The following DLG2 variants were observed in gnomAD, a reference collection of about 807,000 sequenced individuals.
DLG2 encodes the protein discs large MAGUK scaffold protein 2, also known as disks large homolog 2.
DLG2 carries 45 observed loss-of-function variants against 132.5 expected under a neutral mutation model. The observed-to-expected ratio is 0.34, with a 90% confidence interval of 0.27 to 0.44. The LOEUF is 0.44. Ranked by LOEUF, DLG2 falls within the 20% of genes least tolerant of loss-of-function variation. The pLI, the probability that DLG2 is intolerant of heterozygous loss-of-function variation, is 1.00. For synonymous variants in DLG2, 424 were observed against 419.6 expected, an observed-to-expected ratio of 1.01 and a Z score of -0.13; for missense variants, 1,045 against 1,196.9, an observed-to-expected ratio of 0.87 and a Z score of 1.87.
intron 3 of DLG2, among the ~76,000 whole-genome samples, chr11:85,465,220 G>A (rs1407363439): frequency 6.8e-6 from 1 of 147,534 alleles, no homozygotes; most frequent in East Asian, 2.0e-4. Flanking sequence ...ATAGCTCACT[G>A]GAAACTCAAA....
chr11:84,680,113 C>G (rs2099724931), intron 6 of DLG2, among the ~76,000 whole-genome samples: 1 of 151,986 alleles, frequency 6.6e-6, no homozygotes. Context: ...TTTCAGTGTC[C>G]CTTAGTCTCT....
intron 10 of DLG2, among the ~76,000 whole-genome samples, chr11:84,086,505 T>C (rs1489702058): frequency 1.3e-5 from 2 of 150,848 alleles, no homozygotes; most frequent in African/African-American, 4.9e-5. Flanking sequence ...TTTTTTTTTT[T>C]TTGAGACAAG....
chr11:84,378,172 A>C (rs1464289551), intron 7 of DLG2, among the ~76,000 whole-genome samples: 1 of 152,190 alleles, frequency 6.6e-6, no homozygotes, highest in Non-Finnish European at 1.5e-5. Context: ...ATGAGGTCAT[A>C]AGGGTAGGGC....
intron 6 of DLG2, among the ~76,000 whole-genome samples, chr11:84,703,402 A>G (rs1055665234): frequency 5.3e-5 from 8 of 151,544 alleles, no homozygotes; most frequent in African/African-American, 1.7e-4. Context: ...ACAAAGCCAT[A>G]GGATAATGAA....
intron 14 of DLG2, among the ~76,000 whole-genome samples, chr11:83,957,571 TA>T (rs35511012): frequency 1.3e-3 from 177 of 131,858 alleles, no homozygotes; most frequent in Non-Finnish European, 1.9e-3. Flanking sequence ...TTTTTTTTTT[TA>T]AAAACATAAA....
At chr11:83,627,482 C>T (rs111574273) in intron 19 of DLG2, among the ~76,000 whole-genome samples, 2,867 of 152,060 alleles carry the variant, frequency 0.019, 76 homozygotes, top group African/African-American at 0.065. Context: ...TCTGTCCTTG[C>T]GACAGTTTGC....
At chr11:85,507,034 C>G (rs904520488) in intron 3 of DLG2, among the ~76,000 whole-genome samples, 1 of 151,982 alleles carries the variant, frequency 6.6e-6, no homozygotes, top group African/African-American at 2.4e-5. Context: ...GGATTGTAAC[C>G]CCTGCATTTT....
At chr11:85,253,167 A>G (rs907559121) in intron 4 of DLG2, among the ~76,000 whole-genome samples, 3 of 152,200 alleles carry the variant, frequency 2.0e-5, no homozygotes, top group Admixed American at 6.5e-5. Flanking sequence ...TTTCTACACA[A>G]GGATCTGAGA....
chr11:84,611,808 A>G (rs1356327230), intron 6 of DLG2, among the ~76,000 whole-genome samples: 1 of 152,206 alleles, frequency 6.6e-6, no homozygotes, highest in Non-Finnish European at 1.5e-5. Flanking sequence ...AAAGATGTTC[A>G]CTGCAATGTT....
At chr11:84,001,494 CAAT>C (rs1732933897) in intron 11 of DLG2, among the ~76,000 whole-genome samples, 1 of 152,020 alleles carries the variant, frequency 6.6e-6, no homozygotes, top group Admixed American at 6.6e-5. Flanking sequence ...GATTCTAATA[CAAT>C]AATAGTGGGG....
chr11:83,847,686 C>T (rs1224859935), intron 16 of DLG2, among the ~76,000 whole-genome samples: 1 of 152,168 alleles, frequency 6.6e-6, no homozygotes, highest in African/African-American at 2.4e-5. Context: ...TCGCCACGAT[C>T]CCTTCCAGTT....
intron 6 of DLG2, among the ~76,000 whole-genome samples, chr11:84,607,150 G>A (rs1461962412): frequency 6.6e-6 from 1 of 152,098 alleles, no homozygotes; most frequent in Admixed American, 6.6e-5. Context: ...CAATGAGATA[G>A]TGAGTCACTG....
intron 7 of DLG2, among the ~76,000 whole-genome samples, chr11:84,471,586 A>T (rs2099108492): frequency 6.6e-6 from 1 of 151,704 alleles, no homozygotes; most frequent in Non-Finnish European, 1.5e-5. Flanking sequence ...GTGAAAGGGG[A>T]TTCCGTAGCA....
chr11:84,980,420 T>C (rs1357849221), intron 6 of DLG2, among the ~76,000 whole-genome samples: 2 of 152,080 alleles, frequency 1.3e-5, no homozygotes, highest in Non-Finnish European at 2.9e-5. Flanking sequence ...GCTTAAAACA[T>C]TGGAACATTC....
chr11:84,714,547 CT>C (rs1491556932), intron 6 of DLG2, among the ~76,000 whole-genome samples: 2 of 135,246 alleles, frequency 1.5e-5, no homozygotes, highest in Non-Finnish European at 3.0e-5. Context: ...TTCTCTTTCT[CT>C]TTCTCTCTCT....
In DLG2 at chr11:84,579,401, T is replaced by A. The variant is rs184907988; in HGVS notation, c.358-44670A>T. On this transcript the variant is annotated intron_variant, in intron 6 of 27. Transcript: ENST00000376104. ...CTGTGAGAAGCAGTAAAAAAACTAC[T>A]GTGGTTTTTGCTGAAGAGGAAAGAA... Among the ~76,000 whole-genome samples, 6 of 152,268 alleles carry A rather than the reference T, an allele frequency of 3.9e-5. No homozygotes were observed. The East Asian group carries it at 1.2e-3, about 29-fold the overall frequency.
In DLG2 at chr11:83,511,848, G is replaced by T. The variant is rs140975080; in HGVS notation, c.2193+20860C>A. Reference sequence around the variant, plus strand: ...CAAGTAGCTGCGACTACAGGCAGGAGCCACTGCACCTGGCTTAAAAGCTTA... The same window carrying T: ...CAAGTAGCTGCGACTACAGGCAGGATCCACTGCACCTGGCTTAAAAGCTTA... On this transcript the variant is annotated intron_variant, in intron 21 of 27. Transcript: ENST00000376104. 2.6e-5 allele frequency among the ~76,000 whole-genome samples: 4 copies of T among 151,908 alleles called. No individual in the cohort carries two copies. In the East Asian group the frequency reaches 7.8e-4, roughly 30 times the overall value.
chr11:84,636,360 A>C (rs1324024686), intron 6 of DLG2, among the ~76,000 whole-genome samples: 1 of 152,208 alleles, frequency 6.6e-6, no homozygotes, highest in East Asian at 1.9e-4. Flanking sequence ...TGTGACATTG[A>C]AGTTAAGGAG....
intron 10 of DLG2, among the ~76,000 whole-genome samples, chr11:84,074,591 T>C (rs553276762): frequency 6.7e-6 from 1 of 150,322 alleles, no homozygotes; most frequent in South Asian, 2.1e-4. Flanking sequence ...TGCAGTGGCG[T>C]GATCTCGGCT....
Sources: gnomAD v4.1 joint callset for allele counts (sites outside exome capture counted in the v4.1 genomes callset) on GRCh38, gnomAD v4.1.1 for gene constraint, MANE v1.5 for transcripts, NCBI Gene and HGNC (gene_info 2026-07-23, HGNC 2026-07-21) for gene names.